The following RABIF variants were observed in gnomAD, a reference collection of about 807,000 sequenced individuals.
RABIF encodes the protein guanine nucleotide exchange factor MSS4.
RABIF carries 13 observed loss-of-function variants against 12.3 expected under a neutral mutation model. The observed-to-expected ratio is 1.06, with a 90% CI of 0.69 to 1.68. The LOEUF (loss-of-function observed/expected upper bound fraction) is 1.68. RABIF is among the 40% of genes most tolerant of loss of function. The probability of loss-of-function intolerance (pLI) is 0.00; values close to 1 mark genes in which losing one functional copy is unlikely to be tolerated. For synonymous variants in RABIF, 70 were observed against 63.3 expected (o/e 1.11, Z -0.50); for missense variants, 153 against 158.0 (o/e 0.97, Z 0.17).
chr1:202,889,083 G>A lies in RABIF; in HGVS notation c.16C>T (p.Gln6Ter). 2 of 1,607,744 alleles carry A rather than the reference G, an allele frequency of 1.2e-6. No individual in the cohort carries two copies. Among genetic ancestry groups the A allele is most frequent in the South Asian group, 1.1e-5 (1 of 90,596 alleles). MEPAE[Q>*]PSELVSAEGR... ...TCGGCTGACACTAACTCGCTCGGCT[G>A]CTCCGCTGGTTCCATCGCCGCTGCC... The change falls in exon 1 of 2, where the codon CAG becomes TAG. Residue 6 changes from glutamine to a stop codon, truncating the protein, a stop_gained. Coordinates refer to ENST00000367262, the MANE Select transcript of RABIF (RefSeq NM_002871.5). LOFTEE classifies it high-confidence loss of function.
Position 202,879,642 on chromosome 1 carries a change from G to A in RABIF, c.*1336C>T, listed in dbSNP as rs2102394606. Reference sequence around the variant, plus strand: ...GCCATCTTTCCAGGGGAGTAGGTTGGTTGCAAAACTGTGCCCAAGGCCACC... The same window carrying A: ...GCCATCTTTCCAGGGGAGTAGGTTGATTGCAAAACTGTGCCCAAGGCCACC... On this transcript the variant is annotated 3_prime_UTR_variant, in exon 2 of 2. Transcript: ENST00000367262. The A allele has an allele frequency of 6.6e-6, 1 of 152,340 alleles. No homozygotes were observed. The highest frequency in any genetic ancestry group is 2.1e-4 in the South Asian group (1 of 4,832). The allele number at this position is 152,340 out of a possible 1,614,324, so 9.4% of individuals were successfully genotyped here. A position where few individuals can be genotyped will look rare whatever the true frequency, so the allele number is the denominator to read the frequency against.
chr1:202,888,866 A>G (rs1659605531), intron 1 of RABIF, 107 bp downstream of exon 1: 10 of 1,397,742 alleles, frequency 7.2e-6, no homozygotes, highest in Non-Finnish European at 8.5e-6. Flanking sequence ...AGGCCGCGCG[A>G]GGAGGGCGCG....
At chr1:202,884,127 A>G (rs1033680374) in intron 1 of RABIF, among the ~76,000 whole-genome samples, 2 of 152,214 alleles carry the variant, frequency 1.3e-5, no homozygotes, top group Non-Finnish European at 2.9e-5. Flanking sequence ...TCAGGACCCC[A>G]GCGAATCCTG....
intron 1 of RABIF, among the ~76,000 whole-genome samples, chr1:202,888,666 G>A (rs1039431878): frequency 6.6e-6 from 1 of 152,188 alleles, no homozygotes. Context: ...ACCGGCCTTG[G>A]ACGGCGGCGG....
Position 202,878,710 on chromosome 1 carries a change from C to T in RABIF, c.*2268G>A, listed in dbSNP as rs920217519. On this transcript the variant is annotated 3_prime_UTR_variant, in exon 2 of 2. Coordinates refer to ENST00000367262, the MANE Select transcript of RABIF (RefSeq NM_002871.5). ...ATCAACTGCTCTCCCCAATAGAAAA[C>T]GGAAGTTTCTATACTCGGAGCAGAA... Among the ~76,000 whole-genome samples, 2 of 152,210 alleles carry T rather than the reference C, an allele frequency of 1.3e-5. No individual in the cohort carries two copies. The highest frequency in any genetic ancestry group is 6.5e-5 in the Admixed American group (1 of 15,276).
chr1:202,885,315 G>A (rs1659545529), intron 1 of RABIF, among the ~76,000 whole-genome samples: 1 of 152,084 alleles, frequency 6.6e-6, no homozygotes, highest in Admixed American at 6.6e-5. Context: ...TAACTCCTAG[G>A]CCCTGGATCA....
intron 1 of RABIF, among the ~76,000 whole-genome samples, chr1:202,885,602 CT>C (rs1284297655): frequency 3.3e-5 from 5 of 152,244 alleles, no homozygotes; most frequent in African/African-American, 1.2e-4. Flanking sequence ...TACCCCAAAG[CT>C]TTAGTTAAGG....
At chr1:202,881,846 T>A (rs541539210) in intron 1 of RABIF, among the ~76,000 whole-genome samples, 3 of 152,320 alleles carry the variant, frequency 2.0e-5, no homozygotes, top group East Asian at 3.9e-4. Flanking sequence ...CAAACAGCAT[T>A]GGTCTGTTCT....
intron 1 of RABIF, among the ~76,000 whole-genome samples, chr1:202,886,792 G>C (rs1659569397): frequency 6.6e-6 from 1 of 150,950 alleles, no homozygotes; most frequent in African/African-American, 2.4e-5. Context: ...ACTCAGGCTG[G>C]AGTGCAGTGG....
chr1:202,881,428 T>A (rs191852427), intron 1 of RABIF, among the ~76,000 whole-genome samples: 2 of 151,884 alleles, frequency 1.3e-5, no homozygotes, highest in East Asian at 3.9e-4. Context: ...GTGAGACAGA[T>A]TCTCCCACTG....
chr1:202,888,549 C>T (rs2102398806), intron 1 of RABIF, among the ~76,000 whole-genome samples: 1 of 152,338 alleles, frequency 6.6e-6, no homozygotes, highest in African/African-American at 2.4e-5. Context: ...AGGAACCCAG[C>T]AACACCCGCG....
chr1:202,888,940 T>C, intron 1 of RABIF, 33 bp downstream of exon 1: 1 of 1,508,568 alleles, frequency 6.6e-7, no homozygotes. Context: ...GGGGAGACTG[T>C]GGGTGTAAAC....
chr1:202,879,911 G>A lies in RABIF; in HGVS notation c.*1067C>T, dbSNP rs1196188298. 1 of 152,202 alleles carries A rather than the reference G, an allele frequency of 6.6e-6. No individual in the cohort carries two copies. Among genetic ancestry groups the A allele is most frequent in the East Asian group, 1.9e-4 (1 of 5,198 alleles). 9.4% of individuals were successfully genotyped at this position (152,202 alleles called of 1,614,324 possible). A position where few individuals can be genotyped will look rare whatever the true frequency, so the allele number is the denominator to read the frequency against. On this transcript the variant is annotated 3_prime_UTR_variant, in exon 2 of 2. Coordinates refer to ENST00000367262, the MANE Select transcript of RABIF (RefSeq NM_002871.5). ...TGATGGAATAATTGGAAATCAAGTT[G>A]AAGGCTTAAACACGTCTGCTGATAT...
At chr1:202,886,857 C>T (rs1659570250) in intron 1 of RABIF, among the ~76,000 whole-genome samples, 1 of 151,528 alleles carries the variant, frequency 6.6e-6, no homozygotes, top group Admixed American at 6.6e-5. Flanking sequence ...CCTCAGCCTC[C>T]CAAGTAGCTG....
intron 1 of RABIF, among the ~76,000 whole-genome samples, chr1:202,887,551 G>A (rs1416735002): frequency 2.0e-5 from 3 of 149,250 alleles, no homozygotes; most frequent in Non-Finnish European, 3.0e-5. Context: ...ACACTGGAGT[G>A]CAGTGACTCA....
chr1:202,885,359 A>G lies in RABIF; in HGVS notation c.126+3614T>C, dbSNP rs550635123. On this transcript the variant is annotated intron_variant, in intron 1 of 1. Coordinates refer to ENST00000367262, the MANE Select transcript of RABIF (RefSeq NM_002871.5). ...GTAGGACTGGCAATCTAGTTCTCCA[A>G]CTGTTCCCATCTGCAGACTACTAGG... Among the ~76,000 whole-genome samples the G allele has an allele frequency of 7.9e-5, 12 of 152,286 alleles. No homozygotes were observed. In the South Asian group the frequency reaches 1.0e-3, roughly 13 times the overall value.
chr1:202,883,378 C>T (rs926667301), intron 1 of RABIF, among the ~76,000 whole-genome samples: 2 of 152,164 alleles, frequency 1.3e-5, no homozygotes, highest in African/African-American at 4.8e-5. Context: ...GTCCTTAACA[C>T]TTTGTTCTAC....
chr1:202,881,188 C>G lies in RABIF; in HGVS notation c.162G>C (p.Leu54=). 3.1e-6 allele frequency: 5 copies of G among 1,614,052 alleles called. No individual in the cohort carries two copies. Among genetic ancestry groups the G allele is most frequent in the Non-Finnish European group, 4.2e-6 (5 of 1,179,954 alleles). ...FLPSMRKKPA[L]SDGSNPDGDL... ...CGCCGTCAGGATTGCTGCCGTCAGACAGAGCTGGCTTCTTTCTCATGGAGG... is the reference window on the plus strand; with the variant it reads ...CGCCGTCAGGATTGCTGCCGTCAGAGAGAGCTGGCTTCTTTCTCATGGAGG... Residue 54 remains leucine (L), a synonymous_variant, in exon 2 of 2, where the codon CTG becomes CTC. Coordinates refer to ENST00000367262, the MANE Select transcript of RABIF (RefSeq NM_002871.5).
At chr1:202,886,792 G>T (rs1659569397) in intron 1 of RABIF, among the ~76,000 whole-genome samples, 1 of 150,950 alleles carries the variant, frequency 6.6e-6, no homozygotes. Flanking sequence ...ACTCAGGCTG[G>T]AGTGCAGTGG....
Sources: allele counts gnomAD v4.1 joint callset (sites outside exome capture counted in the v4.1 genomes callset), GRCh38; gene constraint gnomAD v4.1.1; transcripts MANE v1.5; gene names NCBI Gene and HGNC (gene_info 2026-07-23, HGNC 2026-07-21).